Variants in RABGAP1L observed in about 807,000 individuals in gnomAD.
RABGAP1L encodes the protein RAB GTPase activating protein 1 like, also known as rab GTPase-activating protein 1-like.
In RABGAP1L, 63 loss-of-function variants were observed where a neutral mutation model predicts 137.7. The observed-to-expected ratio is 0.46, with a 90% confidence interval of 0.37 to 0.56. RABGAP1L has a LOEUF of 0.56. RABGAP1L is among the 20% of genes least tolerant of loss of function. The pLI is 0.00. For missense variants in RABGAP1L, 1,095 were observed against 1,244.0 expected (o/e 0.88, Z 1.80); for synonymous variants, 431 against 433.7 (o/e 0.99, Z 0.08).
At chr1:174,492,673 T>A (rs1333434303) in intron 13 of RABGAP1L, among the ~76,000 whole-genome samples, 1 of 152,094 alleles carries the variant, frequency 6.6e-6, no homozygotes, top group Non-Finnish European at 1.5e-5. Flanking sequence ...TCAAATGCAC[T>A]GTATTCTTAT....
chr1:174,665,315 T>TCTGCCTGC (rs747716450), intron 14 of RABGAP1L, among the ~76,000 whole-genome samples: 5 of 151,982 alleles, frequency 3.3e-5, no homozygotes, highest in Admixed American at 2.6e-4. Flanking sequence ...AGTGCCTTAG[T>TCTGCCTGC]CTGCCTGCCT....
intron 13 of RABGAP1L, among the ~76,000 whole-genome samples, chr1:174,581,336 A>G (rs1424073985): frequency 6.6e-6 from 1 of 152,226 alleles, no homozygotes; most frequent in African/African-American, 2.4e-5. Flanking sequence ...TTATAGTCAT[A>G]TGAGGAATAT....
Position 174,448,995 on chromosome 1 carries a change from A to G in RABGAP1L, c.1710+54850A>G, listed in dbSNP as rs773302639. The G allele has an allele frequency of 1.9e-6, 3 of 1,613,568 alleles. No individual in the cohort carries two copies. The highest frequency in any genetic ancestry group is 1.7e-5 in the Admixed American group (1 of 60,006). On this transcript the variant is annotated intron_variant, in intron 13 of 25. Coordinates refer to ENST00000681986, the MANE Select transcript of RABGAP1L (RefSeq NM_001366446.1). The surrounding 1 kb of genome is among the most constrained non-coding windows in gnomAD (Gnocchi z 4.2). ...CTAGAAAGCTCCCGGGTCTTGGACA[A>G]TCCAACTCTGTCCTTCTTAACAACC... is the stretch of plus-strand genomic sequence containing the variant.
chr1:174,516,751 A>G (rs766559146), intron 13 of RABGAP1L, among the ~76,000 whole-genome samples: 2 of 151,954 alleles, frequency 1.3e-5, no homozygotes, highest in African/African-American at 2.4e-5. Flanking sequence ...AACTATTCCT[A>G]GTTAAGTGGC....
intron 14 of RABGAP1L, among the ~76,000 whole-genome samples, chr1:174,661,474 A>G (rs552008723): frequency 1.3e-5 from 2 of 152,278 alleles, no homozygotes; most frequent in South Asian, 2.1e-4. Context: ...TTTAGAGTCA[A>G]TTTTTTAAAT....
At chr1:174,830,364 T>G (rs1230549559) in intron 19 of RABGAP1L, among the ~76,000 whole-genome samples, 1 of 148,336 alleles carries the variant, frequency 6.7e-6, no homozygotes, top group Non-Finnish European at 1.5e-5. Context: ...CAATAAAATT[T>G]GCTTTTACTC....
At chr1:174,434,151 A>ACACACACACACACACACACACCCC (rs1361968902) in intron 13 of RABGAP1L, among the ~76,000 whole-genome samples, 3 of 147,518 alleles carry the variant, frequency 2.0e-5, no homozygotes, top group Non-Finnish European at 4.5e-5. Flanking sequence ...ACACACACAC[A>ACACACACACACACACACACACCCC]CCCTGCCTGG....
intron 13 of RABGAP1L, among the ~76,000 whole-genome samples, chr1:174,633,229 T>C (rs1258651655): frequency 6.7e-6 from 1 of 148,360 alleles, no homozygotes; most frequent in Non-Finnish European, 1.5e-5. Flanking sequence ...AGCATTCTTA[T>C]ACACCAACAA....
chr1:174,672,193 T>A (rs1449145386), intron 14 of RABGAP1L, among the ~76,000 whole-genome samples: 1 of 151,980 alleles, frequency 6.6e-6, no homozygotes, highest in Non-Finnish European at 1.5e-5. Context: ...ATCTCTGATT[T>A]TGAGTCTTCT....
chr1:174,625,932 G>A (rs186537287), intron 13 of RABGAP1L, among the ~76,000 whole-genome samples: 1 of 152,192 alleles, frequency 6.6e-6, no homozygotes, highest in East Asian at 1.9e-4. Flanking sequence ...CTTAAAATTT[G>A]TATGTATTTC....
At position 174,331,081 on chromosome 1, in the gene RABGAP1L, A is replaced by G. The variant is rs74955849; in HGVS notation, c.1465+25954A>G. Among the ~76,000 whole-genome samples, 1,433 of 152,338 alleles carry G rather than the reference A, an allele frequency of 9.4e-3. 12 individuals are homozygous for G. The highest frequency in any genetic ancestry group is 0.014 in the Non-Finnish European group (982 of 68,030). On this transcript the variant is annotated intron_variant, in intron 11 of 25. Transcript: ENST00000681986. ...TTATGAAAGGTGCCAAGAACACACA[A>G]TGGGGAAAGAACAGTTTTTTCAGTA...
In RABGAP1L at chr1:174,554,324, T is replaced by G. The variant is rs1298333004; in HGVS notation, c.1711-83051T>G. Among the ~76,000 whole-genome samples, 6 of 152,192 alleles carry G rather than the reference T, an allele frequency of 3.9e-5. No individual in the cohort carries two copies. In the East Asian group the frequency reaches 1.2e-3, roughly 29 times the overall value. On this transcript the variant is annotated intron_variant, in intron 13 of 25. Coordinates refer to ENST00000681986, the MANE Select transcript of RABGAP1L (RefSeq NM_001366446.1). ...TTTTTAGAGTGTTGAACCTACTTAA[T>G]CTGAAGTTTACCTCCCTTTTAAAGG...
chr1:174,644,998 A>G (rs963075022), intron 14 of RABGAP1L, among the ~76,000 whole-genome samples: 5 of 152,158 alleles, frequency 3.3e-5, no homozygotes, highest in Admixed American at 6.5e-5. Context: ...AATGTATAAC[A>G]TGAGCACTAT....
intron 17 of RABGAP1L, among the ~76,000 whole-genome samples, chr1:174,729,724 C>T (rs1037787149): frequency 6.6e-6 from 1 of 152,104 alleles, no homozygotes; most frequent in African/African-American, 2.4e-5. Flanking sequence ...AAAAATGCTC[C>T]ATATCACTAA....
intron 23 of RABGAP1L, among the ~76,000 whole-genome samples, chr1:174,982,006 G>A (rs1470339562): frequency 6.6e-6 from 1 of 152,084 alleles, no homozygotes; most frequent in African/African-American, 2.4e-5. Context: ...AATGGAGCTG[G>A]CCTGCCTTAA....
At chr1:174,189,128 CCCG>C (rs1667021616) in intron 1 of RABGAP1L, among the ~76,000 whole-genome samples, 1 of 152,160 alleles carries the variant, frequency 6.6e-6, no homozygotes, top group South Asian at 2.1e-4. Flanking sequence ...GCCTCAGCCT[CCCG>C]AGTAGCTGGG....
At chr1:174,440,548 G>A (rs536090808) in intron 13 of RABGAP1L, among the ~76,000 whole-genome samples, 1 of 152,150 alleles carries the variant, frequency 6.6e-6, no homozygotes, top group African/African-American at 2.4e-5. Context: ...AAGGACAACA[G>A]GTTTACTTTA....
At chr1:174,976,866 A>G (rs990643623) in intron 22 of RABGAP1L, among the ~76,000 whole-genome samples, 1 of 152,248 alleles carries the variant, frequency 6.6e-6, no homozygotes, top group Non-Finnish European at 1.5e-5. Context: ...CGCTTCCCCA[A>G]GGAAGAACAT....
chr1:174,664,734 C>T (rs67272423), intron 14 of RABGAP1L, among the ~76,000 whole-genome samples: 26,252 of 96,950 alleles, frequency 0.27, 4,035 homozygotes, highest in African/African-American at 0.41. Context: ...TTTCTGCTTT[C>T]TTTTTTTTTT....
Sources: allele counts gnomAD v4.1 joint callset (sites outside exome capture counted in the v4.1 genomes callset), GRCh38; gene constraint gnomAD v4.1.1; non-coding constraint Gnocchi (gnomAD v3.1); transcripts MANE v1.5; gene names NCBI Gene and HGNC (gene_info 2026-07-23, HGNC 2026-07-21).